SP4: variants seen among roughly 807,000 people sequenced by gnomAD.
SP4 encodes transcription factor Sp4.
SP4 carries 19 observed loss-of-function variants against 72.8 expected under a neutral mutation model. The ratio of observed to expected loss-of-function variants is 0.26; its 90% confidence interval spans 0.18 to 0.38. SP4 has a LOEUF of 0.38. Ranked by LOEUF, SP4 falls within the 10% of genes least tolerant of loss-of-function variation. The pLI, the probability that SP4 is intolerant of heterozygous loss-of-function variation, is 1.00. For missense variants in SP4, 1,008 were observed against 926.3 expected, an observed-to-expected ratio of 1.09 and a Z score of -1.14; for synonymous variants, 395 against 333.1, an observed-to-expected ratio of 1.19 and a Z score of -2.02.
rs1329983416 is a variant in SP4, at chr7:21,514,355, G to A, written c.*3086G>A. The A allele has an allele frequency of 1.3e-5, 2 of 152,024 alleles. No homozygotes were observed. Among genetic ancestry groups the A allele is most frequent in the African/African-American group, 4.9e-5 (2 of 41,042 alleles). 9.4% of individuals were successfully genotyped at this position (152,024 alleles called of 1,614,324 possible). A position where few individuals can be genotyped will look rare whatever the true frequency, so the allele number is the denominator to read the frequency against. On this transcript the variant is annotated 3_prime_UTR_variant, in exon 6 of 6. Coordinates refer to ENST00000222584, the MANE Select transcript of SP4 (RefSeq NM_003112.5). ...TAAGTCTCCATTTTAATGCCTTGTG[G>A]TGTTTTTTTATGCATGTCACTAAGT...
At chr7:21,489,673 C>G (rs1324530113) in intron 5 of SP4, among the ~76,000 whole-genome samples, 1 of 151,058 alleles carries the variant, frequency 6.6e-6, no homozygotes, top group African/African-American at 2.4e-5. Flanking sequence ...CATTCTCCTG[C>G]CTCAGCCTCC....
intron 3 of SP4, among the ~76,000 whole-genome samples, chr7:21,476,878 A>G (rs1784515039): frequency 6.6e-6 from 1 of 152,214 alleles, no homozygotes; most frequent in African/African-American, 2.4e-5. Flanking sequence ...TCCGTTATCT[A>G]GATACATAGG....
intron 3 of SP4, among the ~76,000 whole-genome samples, chr7:21,438,427 A>T (rs993976063): frequency 6.6e-6 from 1 of 152,130 alleles, no homozygotes; most frequent in African/African-American, 2.4e-5. Flanking sequence ...ATGAGGGTGA[A>T]TTCTATTAAG....
intron 3 of SP4, among the ~76,000 whole-genome samples, chr7:21,454,037 T>C (rs1483203183): frequency 2.0e-5 from 3 of 152,236 alleles, no homozygotes; most frequent in African/African-American, 7.2e-5. Flanking sequence ...GTAAAACTCT[T>C]TTTTTCAGTA....
chr7:21,492,427 G>A (rs890958369), intron 5 of SP4, among the ~76,000 whole-genome samples: 16 of 152,084 alleles, frequency 1.1e-4, no homozygotes, highest in Non-Finnish European at 1.3e-4. Flanking sequence ...CCAGCAGGAC[G>A]CTCAAAAGAA....
chr7:21,465,679 C>T (rs1354807267), intron 3 of SP4, among the ~76,000 whole-genome samples: 1 of 152,126 alleles, frequency 6.6e-6, no homozygotes, highest in Non-Finnish European at 1.5e-5. Context: ...AAGTTGACAG[C>T]CTGGACAACA....
At chr7:21,442,240 A>C (rs891897652) in intron 3 of SP4, among the ~76,000 whole-genome samples, 5 of 151,774 alleles carry the variant, frequency 3.3e-5, no homozygotes, top group Non-Finnish European at 5.9e-5. Context: ...GAGTTTCGCC[A>C]TGTTGGCCAG....
At chr7:21,441,448 A>G (rs1284914388) in intron 3 of SP4, among the ~76,000 whole-genome samples, 1 of 152,230 alleles carries the variant, frequency 6.6e-6, no homozygotes, top group Non-Finnish European at 1.5e-5. Context: ...CATCAGCCAC[A>G]CAAGTGTGTT....
chr7:21,501,181 T>C (rs1484109551), intron 5 of SP4, among the ~76,000 whole-genome samples: 1 of 152,188 alleles, frequency 6.6e-6, no homozygotes, highest in Non-Finnish European at 1.5e-5. Flanking sequence ...AATGAAACTT[T>C]CTTCGCTTTT....
intron 3 of SP4, among the ~76,000 whole-genome samples, chr7:21,451,883 T>C (rs898218983): frequency 1.3e-5 from 2 of 152,162 alleles, no homozygotes; most frequent in African/African-American, 4.8e-5. Flanking sequence ...ACTCCCAACA[T>C]GCCAGGCAGG....
At chr7:21,507,580 CAG>C (rs1207459495) in intron 5 of SP4, among the ~76,000 whole-genome samples, 1 of 152,184 alleles carries the variant, frequency 6.6e-6, no homozygotes, top group African/African-American at 2.4e-5. Flanking sequence ...CTTGATCCAG[CAG>C]AGAGCATAAC....
intron 5 of SP4, among the ~76,000 whole-genome samples, chr7:21,496,505 T>C (rs2128414932): frequency 6.6e-6 from 1 of 152,272 alleles, no homozygotes; most frequent in Admixed American, 6.5e-5. Context: ...AACTGAAGGC[T>C]CAAGAGGCTA....
intron 5 of SP4, among the ~76,000 whole-genome samples, chr7:21,485,705 T>TA (rs1784796313): frequency 6.6e-6 from 1 of 152,020 alleles, no homozygotes; most frequent in Non-Finnish European, 1.5e-5. Context: ...CCAATAAAGT[T>TA]AGACAATGCC....
At chr7:21,490,174 T>C (rs951837464) in intron 5 of SP4, among the ~76,000 whole-genome samples, 2 of 152,206 alleles carry the variant, frequency 1.3e-5, no homozygotes, top group Non-Finnish European at 2.9e-5. Flanking sequence ...AAGTGAAAAC[T>C]TGAATTTGAA....
chr7:21,470,948 G>T (rs1389973167), intron 3 of SP4: 4 of 433,700 alleles, frequency 9.2e-6, no homozygotes, highest in Non-Finnish European at 1.9e-5. Flanking sequence ...TTACAAAGCA[G>T]TTTCATTGGT....
intron 5 of SP4, among the ~76,000 whole-genome samples, chr7:21,484,981 C>T (rs1463202341): frequency 6.6e-6 from 1 of 151,748 alleles, no homozygotes; most frequent in East Asian, 1.9e-4. Flanking sequence ...ATACTTTAAG[C>T]TTACTTTCAG....
At chr7:21,473,031 G>A (rs1445073498) in intron 3 of SP4, among the ~76,000 whole-genome samples, 1 of 152,198 alleles carries the variant, frequency 6.6e-6, no homozygotes, top group African/African-American at 2.4e-5. Context: ...ACTTTGGTCG[G>A]TGGAAGAATG....
At chr7:21,496,406 C>T (rs374808485) in intron 5 of SP4, among the ~76,000 whole-genome samples, 3 of 152,200 alleles carry the variant, frequency 2.0e-5, no homozygotes, top group East Asian at 3.9e-4. Context: ...GCAAACACTT[C>T]TGTTAACTCT....
At position 21,428,275 on chromosome 7, in the gene SP4, C is replaced by T. The variant is rs1562576940; in HGVS notation, c.7+17C>T. 6.8e-7 allele frequency: 1 copy of T among 1,473,798 alleles called. No homozygotes were observed. The highest frequency in any genetic ancestry group is 9.3e-7 in the Non-Finnish European group (1 of 1,075,602). 91.3% of individuals were successfully genotyped at this position (1,473,798 alleles called of 1,614,324 possible). On this transcript the variant is annotated intron_variant, in intron 1 of 5. Coordinates refer to ENST00000222584, the MANE Select transcript of SP4 (RefSeq NM_003112.5). ...GGATGAGCGGTACGTATTCTCCACC[C>T]CCCTCAGTCTCCTTCGCCGCCTCCC...
Sources: gnomAD v4.1 joint callset for allele counts (sites outside exome capture counted in the v4.1 genomes callset) on GRCh38, gnomAD v4.1.1 for gene constraint, MANE v1.5 for transcripts, NCBI Gene and HGNC (gene_info 2026-07-23, HGNC 2026-07-21) for gene names.